ALDH1L2: variants seen among roughly 807,000 people sequenced by gnomAD.
The protein encoded by ALDH1L2 is mitochondrial 10-formyltetrahydrofolate dehydrogenase.
In ALDH1L2, 91 loss-of-function variants were observed where a neutral mutation model predicts 111.0. That is an observed-to-expected ratio of 0.82 (90% CI 0.69 to 0.98). The LOEUF is 0.98. Ranked by LOEUF, ALDH1L2 falls within the 50% of genes least tolerant of loss-of-function variation. ALDH1L2 has a pLI of 0.00. For missense variants in ALDH1L2, 995 were observed against 1,126.8 expected (o/e 0.88, Z 1.67); for synonymous variants, 374 against 392.6 (o/e 0.95, Z 0.56).
In ALDH1L2 at chr12:105,038,279, AACACACACACACAC is replaced by A. The variant is rs555214940; in HGVS notation, c.2046-91_2046-78del. Reference sequence around the variant, plus strand: ...TCTCTCTCACACACACACACACACAAACACACACACACACACACACACACACACACACACACACA... The same window carrying A: ...TCTCTCTCACACACACACACACACAAACACACACACACACACACACACACA... On this transcript the variant is annotated intron_variant, in intron 17 of 22. Transcript: ENST00000258494. 1.5e-3 allele frequency: 373 copies of A among 246,806 alleles called. 1 individual carries two copies. Among genetic ancestry groups the A allele is most frequent in the Middle Eastern group, 5.6e-3 (6 of 1,062 alleles). 15.3% of individuals were successfully genotyped at this position (246,806 alleles called of 1,614,324 possible). A position where few individuals can be genotyped will look rare whatever the true frequency, so the allele number is the denominator to read the frequency against.
intron 17 of ALDH1L2, 97 bp from the exon 18 acceptor site, chr12:105,038,299 CA>C: frequency 1.6e-6 from 1 of 630,010 alleles, no homozygotes; most frequent in East Asian, 3.0e-5. Flanking sequence ...CACACACACA[CA>C]CACACACACA....
At chr12:105,074,026 G>A (rs368934058) in intron 1 of ALDH1L2, 21 bp from the exon 2 acceptor site, 48 of 1,613,860 alleles carry the variant, frequency 3.0e-5, no homozygotes, top group Middle Eastern at 3.3e-4. Flanking sequence ...ATTCAATGAC[G>A]AAGACATAAG....
intron 12 of ALDH1L2, 61 bp from the exon 13 acceptor site, chr12:105,050,119 A>G: frequency 9.7e-6 from 14 of 1,448,572 alleles, no homozygotes; most frequent in Non-Finnish European, 1.2e-5. Context: ...GTCACATATA[A>G]TGCAGTATCC....
intron 18 of ALDH1L2, among the ~76,000 whole-genome samples, chr12:105,037,770 C>T (rs981505094): frequency 2.8e-5 from 4 of 143,834 alleles, no homozygotes; most frequent in African/African-American, 2.6e-5. Flanking sequence ...ATTTTTTTTT[C>T]TTTTTTTTTT....
At chr12:105,074,866 T>C (rs1877957523) in intron 1 of ALDH1L2, among the ~76,000 whole-genome samples, 1 of 152,140 alleles carries the variant, frequency 6.6e-6, no homozygotes, top group Admixed American at 6.5e-5. Flanking sequence ...ATTTAACTAA[T>C]TAAAAAAACA....
rs1463298182 is a variant in ALDH1L2 at position 105,084,438 on chromosome 12, C to G, written c.-2G>C. 6.7e-7 allele frequency: 1 copy of G among 1,492,482 alleles called. No homozygotes were observed. Among genetic ancestry groups the G allele is most frequent in the Non-Finnish European group, 8.9e-7 (1 of 1,128,892 alleles). The allele number at this position is 1,492,482 out of a possible 1,614,324, so 92.5% of individuals were successfully genotyped here. ...CGCCTGGCTGCCCCGCCGCAGCATG[C>G]TGGAGAGGAGCGCTAGCACTGGCGA... On this transcript the variant is annotated 5_prime_UTR_variant, in exon 1 of 23. Coordinates refer to ENST00000258494, the MANE Select transcript of ALDH1L2 (RefSeq NM_001034173.4).
rs1874193394 is a variant in ALDH1L2 at position 105,022,143 on chromosome 12, C to A, written c.*2281G>T. 6.6e-6 allele frequency: 1 copy of A among 152,194 alleles called. No homozygotes were observed. Among genetic ancestry groups the A allele is most frequent in the East Asian group, 1.9e-4 (1 of 5,202 alleles). 9.4% of individuals were successfully genotyped at this position (152,194 alleles called of 1,614,324 possible). ...GGCTGGGGAGGGTGATGTTCCAATT[C>A]CAGTTCACTTGGTAACTTTATGTAT... On this transcript the variant is annotated 3_prime_UTR_variant, in exon 23 of 23. Coordinates refer to ENST00000258494, the MANE Select transcript of ALDH1L2 (RefSeq NM_001034173.4).
At chr12:105,083,447 A>G (rs1161632479) in intron 1 of ALDH1L2, among the ~76,000 whole-genome samples, 1 of 151,204 alleles carries the variant, frequency 6.6e-6, no homozygotes, top group Non-Finnish European at 1.5e-5. Context: ...TTTTCCTTTG[A>G]TGCAAGTTTG....
Position 105,031,800 on chromosome 12 carries a change from C to T in ALDH1L2, c.2379G>A (p.Leu793=). Reference sequence around the variant, plus strand: ...TTTGGACTTGTCTTCCCCCGTACACCAAAGTGGCCCCTTCTTTCACTCCAG... The same window carrying T: ...TTTGGACTTGTCTTCCCCCGTACACTAAAGTGGCCCCTTCTTTCACTCCAG... ...CETGVKEGAT[L]VYGGRQVQRP... is the part of the protein sequence containing the mutation. The change falls in exon 20 of 23, where the codon TTG becomes TTA. Residue 793 remains leucine, a synonymous_variant. Transcript: ENST00000258494. 12 of 1,614,186 alleles carry T rather than the reference C, an allele frequency of 7.4e-6. No individual in the cohort carries two copies. The highest frequency in any genetic ancestry group is 9.3e-6 in the Non-Finnish European group (11 of 1,180,028).
At chr12:105,071,054 AT>A (rs1165463085) in intron 2 of ALDH1L2, among the ~76,000 whole-genome samples, 3 of 152,236 alleles carry the variant, frequency 2.0e-5, no homozygotes, top group Non-Finnish European at 4.4e-5. Flanking sequence ...TAAGATTTTA[AT>A]GAAAGCTTTT....
chr12:105,056,557 T>C (rs528628496), intron 10 of ALDH1L2, among the ~76,000 whole-genome samples: 13 of 151,962 alleles, frequency 8.6e-5, no homozygotes, highest in African/African-American at 3.1e-4. Context: ...AAATACAACT[T>C]CATAAAGCAA....
intron 13 of ALDH1L2, chr12:105,048,219 A>C (rs1048650791): frequency 6.6e-6 from 1 of 152,238 alleles, no homozygotes; most frequent in African/African-American, 2.4e-5. Context: ...CATAACTTGC[A>C]AAGTATGTAT....
Position 105,024,239 on chromosome 12 carries a change from G to A in ALDH1L2, c.*185C>T. ...ATGCAACAACTCCAAATCACTGGAA[G>A]GTGTATTAGAAAATACTCAGGCACA... On this transcript the variant is annotated 3_prime_UTR_variant, in exon 23 of 23. Transcript: ENST00000258494. 1 of 623,518 alleles carries A rather than the reference G, an allele frequency of 1.6e-6. No individual in the cohort carries two copies. Among genetic ancestry groups the A allele is most frequent in the Admixed American group, 2.9e-5 (1 of 34,218 alleles). The allele number at this position is 623,518 out of a possible 1,614,324, so 38.6% of individuals were successfully genotyped here.
intron 15 of ALDH1L2, among the ~76,000 whole-genome samples, chr12:105,046,209 ATATATATATATATTTTTT>A (rs1875874953): frequency 1.9e-5 from 1 of 52,792 alleles, no homozygotes; most frequent in African/African-American, 9.0e-5. Flanking sequence ...ATATATATAT[ATATATATATATATTTTTT>A]TTTTTTTTTT....
chr12:105,051,790 C>CT (rs201831121), intron 12 of ALDH1L2, among the ~76,000 whole-genome samples: 53,866 of 134,290 alleles, frequency 0.4, 10,748 homozygotes, highest in Middle Eastern at 0.6. Context: ...TCTTTTTTTT[C>CT]CTTTTTTTTT....
intron 2 of ALDH1L2, chr12:105,072,360 C>A (rs1292308137): frequency 6.6e-6 from 1 of 151,642 alleles, no homozygotes; most frequent in Non-Finnish European, 1.5e-5. Flanking sequence ...TAGATCTGAA[C>A]AACAAAATTC....
intron 16 of ALDH1L2, 127 bp downstream of exon 16, chr12:105,040,480 G>A (rs1490515710): frequency 2.1e-5 from 19 of 894,998 alleles, no homozygotes; most frequent in Non-Finnish European, 3.3e-5. Flanking sequence ...ATCCTTAACT[G>A]TTTGGTGAAT....
chr12:105,036,545 TATATATA>T (rs1565952334), intron 18 of ALDH1L2, among the ~76,000 whole-genome samples: 1 of 41,752 alleles, frequency 2.4e-5, no homozygotes, highest in East Asian at 2.1e-3. Flanking sequence ...TATATATATA[TATATATA>T]TATATATATA....
chr12:105,071,503 G>A (rs1877684310), intron 2 of ALDH1L2, among the ~76,000 whole-genome samples: 1 of 150,608 alleles, frequency 6.6e-6, no homozygotes, highest in Non-Finnish European at 1.5e-5. Flanking sequence ...GCCCACCAAA[G>A]TGCAAACAGC....
Sources: allele counts gnomAD v4.1 joint callset (sites outside exome capture counted in the v4.1 genomes callset), GRCh38; gene constraint gnomAD v4.1.1; transcripts MANE v1.5; gene names NCBI Gene and HGNC (gene_info 2026-07-23, HGNC 2026-07-21).